ALCAM: variants seen among roughly 807,000 people sequenced by gnomAD.
ALCAM encodes CD166 antigen.
ALCAM carries 30 observed loss-of-function variants against 70.9 expected under a neutral mutation model. The observed-to-expected ratio is 0.42, with a 90% confidence interval of 0.32 to 0.57. The LOEUF is 0.57. Among genes scored for constraint, ALCAM ranks in the 20% least tolerant of loss-of-function variants. The probability of loss-of-function intolerance (pLI) is 0.11; values close to 1 mark genes in which losing one functional copy is unlikely to be tolerated. For synonymous variants in ALCAM, 249 were observed against 242.5 expected (o/e 1.03, Z -0.25); for missense variants, 591 against 695.1 (o/e 0.85, Z 1.68).
chr3:105,515,734 A>G (rs1247876392), intron 1 of ALCAM, among the ~76,000 whole-genome samples: 1 of 152,080 alleles, frequency 6.6e-6, no homozygotes, highest in African/African-American at 2.4e-5. Context: ...GTTGAGAAAC[A>G]CCGCTATAAA....
intron 1 of ALCAM, among the ~76,000 whole-genome samples, chr3:105,437,307 A>G (rs1281861978): frequency 1.3e-5 from 2 of 152,214 alleles, no homozygotes; most frequent in South Asian, 2.1e-4. Context: ...ATGTAATTAT[A>G]TATTTTTAAA....
chr3:105,513,083 C>T (rs889058287), intron 1 of ALCAM, among the ~76,000 whole-genome samples: 1 of 146,344 alleles, frequency 6.8e-6, no homozygotes. Flanking sequence ...GCCTATCCCC[C>T]CCAAAGCACC....
At chr3:105,480,962 G>C (rs1389407882) in intron 1 of ALCAM, among the ~76,000 whole-genome samples, 1 of 152,040 alleles carries the variant, frequency 6.6e-6, no homozygotes, top group Non-Finnish European at 1.5e-5. Flanking sequence ...TGATTGATGA[G>C]ATTCTGTTCC....
chr3:105,468,543 G>A (rs1310940720), intron 1 of ALCAM, among the ~76,000 whole-genome samples: 1 of 151,240 alleles, frequency 6.6e-6, no homozygotes, highest in Non-Finnish European at 1.5e-5. Context: ...AGGAAAATCA[G>A]CTCACACATA....
In ALCAM at chr3:105,477,688, C is replaced by T. The variant is rs900118954; in HGVS notation, c.74-42379C>T. On this transcript the variant is annotated intron_variant, in intron 1 of 15. Transcript: ENST00000306107. ...TTATTTCTTCTGCCTCATTCTCTCT[C>T]TACTCTCATTCTTGCATTGAAGACA... Among the ~76,000 whole-genome samples, 8 of 152,052 alleles carry T rather than the reference C, an allele frequency of 5.3e-5. 1 individual carries two copies. The highest frequency in any genetic ancestry group is 1.2e-4 in the African/African-American group (5 of 41,430).
At chr3:105,508,801 T>C (rs1354552318) in intron 1 of ALCAM, among the ~76,000 whole-genome samples, 1 of 129,382 alleles carries the variant, frequency 7.7e-6, no homozygotes, top group African/African-American at 2.8e-5. Context: ...ACCACAGTCA[T>C]CATGCTGTAC....
rs1475379755 is a variant in ALCAM, at chr3:105,481,135, T to G, written c.74-38932T>G. Among the ~76,000 whole-genome samples the G allele has an allele frequency of 3.3e-5, 5 of 152,102 alleles. No homozygotes were observed. The East Asian group carries it at 9.6e-4, about 29-fold the overall frequency. On this transcript the variant is annotated intron_variant, in intron 1 of 15. Coordinates refer to ENST00000306107, the MANE Select transcript of ALCAM (RefSeq NM_001627.4). ...CCATCAGCAGCCTTAGGGTGAAAAG[T>G]GAAATGTATCTTTTACCCAGAAAGT...
chr3:105,503,771 T>G (rs1054362043), intron 1 of ALCAM, among the ~76,000 whole-genome samples: 1 of 152,228 alleles, frequency 6.6e-6, no homozygotes, highest in African/African-American at 2.4e-5. Context: ...CATCACCTCC[T>G]ACAGCCCCTA....
intron 1 of ALCAM, among the ~76,000 whole-genome samples, chr3:105,470,144 C>T (rs1481002081): frequency 2.7e-5 from 4 of 150,326 alleles, no homozygotes; most frequent in Admixed American, 6.7e-5. Context: ...CACACACACA[C>T]ACACACACAC....
intron 14 of ALCAM, 63 bp from the exon 15 acceptor site, chr3:105,571,789 A>G: frequency 1.6e-6 from 2 of 1,238,146 alleles, no homozygotes; most frequent in East Asian, 2.4e-5. Flanking sequence ...AAATCTTAAA[A>G]TTAAATATAA....
At chr3:105,456,643 T>A (rs1937538525) in intron 1 of ALCAM, among the ~76,000 whole-genome samples, 1 of 152,202 alleles carries the variant, frequency 6.6e-6, no homozygotes, top group Non-Finnish European at 1.5e-5. Flanking sequence ...AGAAGGGTGA[T>A]GTTTTCTTAA....
intron 1 of ALCAM, among the ~76,000 whole-genome samples, chr3:105,399,003 T>A (rs1936022495): frequency 6.6e-6 from 1 of 152,136 alleles, no homozygotes. Flanking sequence ...TTAAGTTACT[T>A]TGGTTAGTTT....
chr3:105,422,456 T>C lies in ALCAM; in HGVS notation c.73+54975T>C, dbSNP rs909702501. 1.5e-4 allele frequency among the ~76,000 whole-genome samples: 22 copies of C among 151,622 alleles called. No homozygotes were observed. In the East Asian group the frequency reaches 1.6e-3, roughly 11 times the overall value. ...TATCTGAACTAATGCACTTTTTGTA[T>C]GCCAATTGCCAATTAAAGTTTCTGA... On this transcript the variant is annotated intron_variant, in intron 1 of 15. Transcript: ENST00000306107.
In ALCAM at chr3:105,576,364, A is replaced by G. The variant is rs1203395552; in HGVS notation, c.*1913A>G. ...TTTAAACACCTGCTCTCCACAATAAATCACAAACACTAAAATAAAATTACT... is the reference window on the plus strand; with the variant it reads ...TTTAAACACCTGCTCTCCACAATAAGTCACAAACACTAAAATAAAATTACT... On this transcript the variant is annotated 3_prime_UTR_variant, in exon 16 of 16. Transcript: ENST00000306107. The G allele has an allele frequency of 6.6e-6, 1 of 152,628 alleles. No individual in the cohort carries two copies. The highest frequency in any genetic ancestry group is 1.5e-5 in the Non-Finnish European group (1 of 68,038). 9.5% of individuals were successfully genotyped at this position (152,628 alleles called of 1,614,324 possible).
chr3:105,444,661 T>C (rs139770379), intron 1 of ALCAM, among the ~76,000 whole-genome samples: 1 of 152,260 alleles, frequency 6.6e-6, no homozygotes, highest in East Asian at 1.9e-4. Flanking sequence ...TGAATCAGGG[T>C]AGTTTGCAAG....
chr3:105,575,294 A>C lies in ALCAM; in HGVS notation c.*843A>C, dbSNP rs1940937581. ...ATGGTCAACATTCCCATTTTCATAG[A>C]TCACAATGTAAATCACTATAATTAC... On this transcript the variant is annotated 3_prime_UTR_variant, in exon 16 of 16. Transcript: ENST00000306107. 2 of 152,734 alleles carry C rather than the reference A, an allele frequency of 1.3e-5. No individual in the cohort carries two copies. Among genetic ancestry groups the C allele is most frequent in the South Asian group, 4.1e-4 (2 of 4,832 alleles). 9.5% of individuals were successfully genotyped at this position (152,734 alleles called of 1,614,324 possible).
chr3:105,568,658 T>A (rs111854583), intron 14 of ALCAM, among the ~76,000 whole-genome samples: 1,818 of 152,336 alleles, frequency 0.012, 19 homozygotes, highest in Non-Finnish European at 0.018. Context: ...CCTGTGGCTG[T>A]CTCCTTTCTA....
intron 1 of ALCAM, among the ~76,000 whole-genome samples, chr3:105,397,511 C>A (rs1478520371): frequency 6.6e-6 from 1 of 151,632 alleles, no homozygotes; most frequent in Non-Finnish European, 1.5e-5. Flanking sequence ...TCAATTTAAA[C>A]TTATAGCTAT....
rs114861750 is a variant in ALCAM at position 105,498,968 on chromosome 3, G to A, written c.74-21099G>A. Among the ~76,000 whole-genome samples the A allele has an allele frequency of 5.7e-3, 873 of 152,208 alleles. 7 individuals are homozygous for A. Among genetic ancestry groups the A allele is most frequent in the African/African-American group, 0.02 (843 of 41,542 alleles). On this transcript the variant is annotated intron_variant, in intron 1 of 15. Transcript: ENST00000306107. ...GTTATATAAATATTAATGTATTTCA[G>A]AGTTTTGCTTATTGTATTGATATAT... is the stretch of plus-strand genomic sequence containing the variant.
Sources: allele counts gnomAD v4.1 joint callset (sites outside exome capture counted in the v4.1 genomes callset), GRCh38; gene constraint gnomAD v4.1.1; transcripts MANE v1.5; gene names NCBI Gene and HGNC (gene_info 2026-07-23, HGNC 2026-07-21).